The following UGT1A9 variants were observed in gnomAD, a reference collection of about 807,000 sequenced individuals.
The protein encoded by UGT1A9 is UDP glucuronosyltransferase family 1 member A9.
UGT1A9 carries 35 observed loss-of-function variants against 45.0 expected under a neutral mutation model. The observed-to-expected ratio is 0.78, with a 90% CI of 0.59 to 1.03. The LOEUF (loss-of-function observed/expected upper bound fraction) is 1.03, where lower values mean the gene tolerates loss of function less well. Among genes scored for constraint, UGT1A9 ranks in the 50% least tolerant of loss-of-function variants. The pLI, the probability that UGT1A9 is intolerant of heterozygous loss-of-function variation, is 0.00. For missense variants in UGT1A9, 687 were observed against 666.6 expected (o/e 1.03, Z -0.34); for synonymous variants, 278 against 250.6 (o/e 1.11, Z -1.03).
intron 1 of UGT1A9, among the ~76,000 whole-genome samples, chr2:233,710,289 G>C (rs2076124208): frequency 6.6e-6 from 1 of 152,208 alleles, no homozygotes; most frequent in African/African-American, 2.4e-5. Flanking sequence ...TTAAAAGTGG[G>C]ATTGTTGGGT....
chr2:233,744,850 C>T (rs534580707), intron 1 of UGT1A9, among the ~76,000 whole-genome samples: 1 of 152,016 alleles, frequency 6.6e-6, no homozygotes, highest in African/African-American at 2.4e-5. Context: ...GCAGAGTAGT[C>T]CTTGGTATTC....
intron 1 of UGT1A9, chr2:233,691,175 CT>C (rs2075031493): frequency 1.0e-6 from 1 of 985,574 alleles, no homozygotes; most frequent in South Asian, 4.7e-5. Flanking sequence ...TAATGTCTGC[CT>C]GCTCAAGAAG....
At chr2:233,722,092 G>C (rs2076989612) in intron 1 of UGT1A9, 1 of 213,864 alleles carries the variant, frequency 4.7e-6, no homozygotes, top group African/African-American at 2.3e-5. Context: ...GATCACCTTA[G>C]GCCTCTTAGA....
chr2:233,754,783 A>T (rs1413536581), intron 1 of UGT1A9: 1 of 1,152,612 alleles, frequency 8.7e-7, no homozygotes, highest in Admixed American at 2.2e-5. Context: ...GAGCCAAAGG[A>T]ACGAAATCCT....
intron 1 of UGT1A9, among the ~76,000 whole-genome samples, chr2:233,737,492 C>T (rs1256761021): frequency 6.6e-6 from 1 of 152,202 alleles, no homozygotes; most frequent in Non-Finnish European, 1.5e-5. Flanking sequence ...AAAGGGAAAT[C>T]CCTCACCCTC....
At chr2:233,719,049 C>T in intron 1 of UGT1A9, 1 of 1,614,286 alleles carries the variant, frequency 6.2e-7, no homozygotes, top group South Asian at 1.1e-5. Flanking sequence ...ATTTTTCACC[C>T]TGACAGCCTA....
chr2:233,693,920 C>T (rs2075188666), intron 1 of UGT1A9: 2 of 1,611,066 alleles, frequency 1.2e-6, no homozygotes, highest in Admixed American at 3.3e-5. Flanking sequence ...TCTGTCCTCC[C>T]TCACTCATTT....
chr2:233,672,062 C>A lies in UGT1A9; in HGVS notation c.128C>A (p.Ser43Ter). 1.2e-6 allele frequency: 2 copies of A among 1,614,014 alleles called. No individual in the cohort carries two copies. The highest frequency in any genetic ancestry group is 1.7e-6 in the Non-Finnish European group (2 of 1,179,990). ...GGGAGCCACTGGTTCACCATGAGGT[C>A]GGTGGTGGAGAAACTCATTCTCAGG... ...MDGSHWFTMR[S>*]VVEKLILRGH... The change falls in exon 1 of 5, where the codon TCG becomes TAG. Residue 43 changes from serine to a stop codon, truncating the protein, a stop_gained. Coordinates refer to ENST00000354728, the MANE Select transcript of UGT1A9 (RefSeq NM_021027.3). LOFTEE classifies it high-confidence loss of function.
At position 233,671,997 on chromosome 2, in the gene UGT1A9, C is replaced by T. The variant is rs1005652810; in HGVS notation, c.63C>T (p.Gly21=). Reference sequence around the variant, plus strand: ...GTGTGTGTCTGCTGCTGACCTGTGGCTTTGCCGAGGCAGGGAAGCTACTGG... The same window carrying T: ...GTGTGTGTCTGCTGCTGACCTGTGGTTTTGCCGAGGCAGGGAAGCTACTGG... The part of the protein sequence containing the change: ...PLCVCLLLTC[G]FAEAGKLLVV... Residue 21 remains glycine, a synonymous_variant, in exon 1 of 5, where the codon GGC becomes GGT. Coordinates refer to ENST00000354728, the MANE Select transcript of UGT1A9 (RefSeq NM_021027.3). 24 of 1,613,980 alleles carry T rather than the reference C, an allele frequency of 1.5e-5. No homozygotes were observed. The highest frequency in any genetic ancestry group is 2.0e-5 in the Non-Finnish European group (24 of 1,179,982).
chr2:233,682,686 T>G (rs911094118), intron 1 of UGT1A9: 2 of 1,613,872 alleles, frequency 1.2e-6, no homozygotes, highest in Non-Finnish European at 1.7e-6. Flanking sequence ...CACACATCAA[T>G]TTGGTTGTTG....
intron 1 of UGT1A9, among the ~76,000 whole-genome samples, chr2:233,694,117 G>A (rs972121995): frequency 2.6e-5 from 4 of 152,152 alleles, no homozygotes; most frequent in African/African-American, 9.7e-5. Flanking sequence ...ATCTGGGACA[G>A]TCACATACTC....
intron 1 of UGT1A9, among the ~76,000 whole-genome samples, chr2:233,746,098 C>T (rs530884234): frequency 6.6e-5 from 10 of 151,904 alleles, no homozygotes; most frequent in South Asian, 2.1e-4. Context: ...AGAAACATGT[C>T]CAGAGTGCTT....
intron 1 of UGT1A9, among the ~76,000 whole-genome samples, chr2:233,712,595 G>A (rs1037088444): frequency 6.6e-6 from 1 of 152,200 alleles, no homozygotes; most frequent in African/African-American, 2.4e-5. Context: ...AGACCATATG[G>A]TTGGGGACTA....
intron 1 of UGT1A9, among the ~76,000 whole-genome samples, chr2:233,696,713 G>A (rs532050376): frequency 6.6e-6 from 1 of 152,234 alleles, no homozygotes; most frequent in East Asian, 1.9e-4. Flanking sequence ...AGATTTTAGA[G>A]GAACAGTTTT....
chr2:233,682,856 C>A, intron 1 of UGT1A9: 1 of 1,534,046 alleles, frequency 6.5e-7, no homozygotes, highest in Non-Finnish European at 8.7e-7. Flanking sequence ...AGATTTCTTA[C>A]AGAATCATAA....
At chr2:233,771,972 A>G (rs1700426237) in intron 4 of UGT1A9, among the ~76,000 whole-genome samples, 1 of 152,212 alleles carries the variant, frequency 6.6e-6, no homozygotes, top group African/African-American at 2.4e-5. Flanking sequence ...AAAATTGGCC[A>G]GACATAGTGG....
At chr2:233,731,691 A>C (rs2078192631) in intron 1 of UGT1A9, among the ~76,000 whole-genome samples, 1 of 152,178 alleles carries the variant, frequency 6.6e-6, no homozygotes, top group Non-Finnish European at 1.5e-5. Flanking sequence ...TCATTGATGG[A>C]CATTTGGATT....
chr2:233,695,328 G>A lies in UGT1A9; in HGVS notation c.855+22539G>A, dbSNP rs377270766. Among the ~76,000 whole-genome samples, 90 of 151,830 alleles carry A rather than the reference G, an allele frequency of 5.9e-4. 2 individuals are homozygous for A. In the South Asian group the frequency reaches 0.017, roughly 29 times the overall value. ...TTTAGTAGAGGCGGGGTTTCACCAC[G>A]TTGGCCAGGATGGTCTCAATCTCTT... On this transcript the variant is annotated intron_variant, in intron 1 of 4. Transcript: ENST00000354728.
At chr2:233,725,013 C>T (rs2077345814) in intron 1 of UGT1A9, among the ~76,000 whole-genome samples, 2 of 148,174 alleles carry the variant, frequency 1.3e-5, no homozygotes, top group Admixed American at 1.4e-4. Flanking sequence ...CCCGGCCAAA[C>T]AGCAAAACCC....
Sources: gnomAD v4.1 joint callset for allele counts (sites outside exome capture counted in the v4.1 genomes callset) on GRCh38, gnomAD v4.1.1 for gene constraint, MANE v1.5 for transcripts, NCBI Gene and HGNC (gene_info 2026-07-23, HGNC 2026-07-21) for gene names.